Variants in GPC5 observed in about 807,000 individuals in gnomAD.
GPC5 encodes glypican-5.
A neutral mutation model predicts 53.9 loss-of-function variants in GPC5; 47 were observed. That is an observed-to-expected ratio of 0.87 (90% CI 0.69 to 1.11). The LOEUF (loss-of-function observed/expected upper bound fraction) is 1.11, where lower values mean the gene tolerates loss of function less well. Among genes scored for constraint, GPC5 ranks in the 50% most tolerant of loss-of-function variants. The pLI is 0.00. For synonymous variants in GPC5, 286 were observed against 263.3 expected, an observed-to-expected ratio of 1.09 and a Z score of -0.84; for missense variants, 748 against 713.1, an observed-to-expected ratio of 1.05 and a Z score of -0.56.
intron 2 of GPC5, among the ~76,000 whole-genome samples, chr13:91,546,233 T>C (rs2030281347): frequency 6.6e-6 from 1 of 152,134 alleles, no homozygotes; most frequent in African/African-American, 2.4e-5. Context: ...GCATATTTAC[T>C]TTTGAAAACT....
Position 92,277,599 on chromosome 13 carries a change from GAA to G in GPC5, c.1561+132611_1561+132612del, listed in dbSNP as rs1222987787. On this transcript the variant is annotated intron_variant, in intron 7 of 7. Coordinates refer to ENST00000377067, the MANE Select transcript of GPC5 (RefSeq NM_004466.6). ...GCTAATAAAAAGATCAATAGAATAAGAATATATTAAAATTTAATACTAAGCAT... is the reference window on the plus strand; with the variant it reads ...GCTAATAAAAAGATCAATAGAATAAGTATATTAAAATTTAATACTAAGCAT... 2.6e-5 allele frequency among the ~76,000 whole-genome samples: 4 copies of G among 151,996 alleles called. No individual in the cohort carries two copies. The East Asian group carries it at 7.7e-4, about 29-fold the overall frequency.
chr13:92,398,289 C>T (rs1158404834), intron 7 of GPC5, among the ~76,000 whole-genome samples: 4 of 150,252 alleles, frequency 2.7e-5, no homozygotes, highest in South Asian at 2.1e-4. Flanking sequence ...ATTAGCCGGG[C>T]GTAGTGGCGG....
intron 6 of GPC5, among the ~76,000 whole-genome samples, chr13:91,949,588 A>ATGGG (rs1210445636): frequency 6.6e-6 from 1 of 152,178 alleles, no homozygotes; most frequent in Non-Finnish European, 1.5e-5. Flanking sequence ...GGATAAAATT[A>ATGGG]ATAACACTCC....
intron 7 of GPC5, among the ~76,000 whole-genome samples, chr13:92,657,734 C>T (rs1886188688): frequency 6.6e-6 from 1 of 151,810 alleles, no homozygotes; most frequent in Non-Finnish European, 1.5e-5. Flanking sequence ...ATGAATACTT[C>T]AAATTTTCCA....
chr13:91,465,623 T>C (rs1882187364), intron 2 of GPC5, among the ~76,000 whole-genome samples: 1 of 152,234 alleles, frequency 6.6e-6, no homozygotes, highest in Admixed American at 6.5e-5. Flanking sequence ...TTGTAAGCTC[T>C]GGGCTAATTC....
chr13:92,030,965 C>T (rs9523484), intron 6 of GPC5, among the ~76,000 whole-genome samples: 47,074 of 152,060 alleles, frequency 0.31, 9,399 homozygotes, highest in East Asian at 0.64. Flanking sequence ...TGACAAGGAC[C>T]CTGTTTTTAG....
intron 2 of GPC5, among the ~76,000 whole-genome samples, chr13:91,634,727 A>C (rs1027083083): frequency 1.3e-5 from 2 of 152,020 alleles, no homozygotes; most frequent in Non-Finnish European, 2.9e-5. Context: ...ATTACCAATT[A>C]TGTGAGCATC....
chr13:92,028,494 T>C (rs1211804341), intron 6 of GPC5, among the ~76,000 whole-genome samples: 1 of 152,138 alleles, frequency 6.6e-6, no homozygotes, highest in Non-Finnish European at 1.5e-5. Flanking sequence ...CCCAAATTAA[T>C]TTCTAATTGT....
intron 7 of GPC5, among the ~76,000 whole-genome samples, chr13:92,188,986 A>G (rs1487228572): frequency 6.6e-6 from 1 of 152,208 alleles, no homozygotes. Context: ...GCAGAAACTC[A>G]CTTGCTGAAA....
intron 6 of GPC5, among the ~76,000 whole-genome samples, chr13:92,139,700 A>G (rs140924947): frequency 1.7e-3 from 240 of 143,738 alleles, no homozygotes; most frequent in African/African-American, 5.6e-3. Flanking sequence ...TATATTTAGA[A>G]TATACTGAAT....
intron 6 of GPC5, among the ~76,000 whole-genome samples, chr13:92,128,563 A>G (rs534254755): frequency 2.6e-4 from 39 of 152,322 alleles, no homozygotes; most frequent in African/African-American, 8.9e-4. Context: ...CCAACAAGAC[A>G]TTTTTACTTC....
chr13:91,911,327 T>C (rs1188388601), intron 6 of GPC5, among the ~76,000 whole-genome samples: 1 of 152,066 alleles, frequency 6.6e-6, no homozygotes, highest in Non-Finnish European at 1.5e-5. Context: ...GTGGATCACC[T>C]GAAGTCAGGA....
intron 5 of GPC5, among the ~76,000 whole-genome samples, chr13:91,874,478 T>C (rs879940691): frequency 2.6e-5 from 4 of 152,204 alleles, no homozygotes; most frequent in Non-Finnish European, 4.4e-5. Context: ...TGTCTATGTA[T>C]ATGTCTATTG....
At chr13:91,913,335 G>C (rs1462485323) in intron 6 of GPC5, among the ~76,000 whole-genome samples, 1 of 150,876 alleles carries the variant, frequency 6.6e-6, no homozygotes, top group Non-Finnish European at 1.5e-5. Flanking sequence ...GGAGATGGAG[G>C]TTGCAGTGAG....
At chr13:92,299,370 T>C (rs949778946) in intron 7 of GPC5, among the ~76,000 whole-genome samples, 1 of 152,208 alleles carries the variant, frequency 6.6e-6, no homozygotes, top group Non-Finnish European at 1.5e-5. Flanking sequence ...GGTGGTTCAT[T>C]ATCTATTCAA....
chr13:91,857,464 A>T (rs949470640), intron 5 of GPC5, among the ~76,000 whole-genome samples: 9 of 151,432 alleles, frequency 5.9e-5, no homozygotes, highest in African/African-American at 1.7e-4. Flanking sequence ...AGCAAATATA[A>T]TTTTAAAAGA....
chr13:92,534,894 A>C (rs1411044195), intron 7 of GPC5, among the ~76,000 whole-genome samples: 1 of 152,144 alleles, frequency 6.6e-6, no homozygotes, highest in Non-Finnish European at 1.5e-5. Context: ...AACACATCCA[A>C]AGGTTTAAGG....
intron 7 of GPC5, among the ~76,000 whole-genome samples, chr13:92,471,715 G>T (rs1878921484): frequency 6.6e-6 from 1 of 152,126 alleles, no homozygotes; most frequent in Admixed American, 6.6e-5. Context: ...TTATTTTACA[G>T]TGACTTTAAG....
intron 2 of GPC5, among the ~76,000 whole-genome samples, chr13:91,651,821 C>T (rs1403771640): frequency 1.3e-5 from 2 of 152,068 alleles, no homozygotes; most frequent in Non-Finnish European, 2.9e-5. Context: ...TCAAATGGCA[C>T]ACTCTCCTGA....
Sources: gnomAD v4.1 joint callset for allele counts (sites outside exome capture counted in the v4.1 genomes callset) on GRCh38, gnomAD v4.1.1 for gene constraint, MANE v1.5 for transcripts, NCBI Gene and HGNC (gene_info 2026-07-23, HGNC 2026-07-21) for gene names.